BMP2: variants seen among roughly 807,000 people sequenced by gnomAD.
The protein encoded by BMP2 is bone morphogenetic protein 2.
BMP2 carries 2 observed loss-of-function variants against 28.8 expected under a neutral mutation model. The ratio of observed to expected loss-of-function variants is 0.07; its 90% CI spans 0.03 to 0.22. The LOEUF (loss-of-function observed/expected upper bound fraction) is 0.22. Among genes scored for constraint, BMP2 ranks in the 10% least tolerant of loss-of-function variants. The pLI, the probability that BMP2 is intolerant of heterozygous loss-of-function variation, is 1.00. For synonymous variants in BMP2, 218 were observed against 204.3 expected (o/e 1.07, Z -0.57); for missense variants, 437 against 517.7 (o/e 0.84, Z 1.51).
rs958541730 is a variant in BMP2, at chr20:6,779,236, A to C, written c.*147A>C. ...TTTATGGAATGGAATGGAAAAAAAA[A>C]CAGCTATTTTGAAAATATATTTATA... On this transcript the variant is annotated 3_prime_UTR_variant, in exon 3 of 3. Coordinates refer to ENST00000378827, the MANE Select transcript of BMP2 (RefSeq NM_001200.4). The C allele has an allele frequency of 2.9e-5, 8 of 280,218 alleles. No individual in the cohort carries two copies. Among genetic ancestry groups the C allele is most frequent in the South Asian group, 1.5e-4 (1 of 6,472 alleles). 17.4% of individuals were successfully genotyped at this position (280,218 alleles called of 1,614,324 possible).
Position 6,778,843 on chromosome 20 carries a change from G to A in BMP2, c.945G>A (p.Val315=). ...ACGTGGGGTGGAATGACTGGATTGT[G>A]GCTCCCCCGGGGTATCACGCCTTTT... ...FSDVGWNDWI[V]APPGYHAFYC... Residue 315 remains valine, a synonymous_variant, in exon 3 of 3, where the codon GTG becomes GTA. Transcript: ENST00000378827. The surrounding 1 kb of genome is among the most constrained non-coding windows in gnomAD (Gnocchi z 5.0). 6.2e-7 allele frequency: 1 copy of A among 1,614,144 alleles called. No homozygotes were observed. Among genetic ancestry groups the A allele is most frequent in the Non-Finnish European group, 8.5e-7 (1 of 1,180,028 alleles).
chr20:6,770,247 C>G lies in BMP2; in HGVS notation c.121C>G (p.Pro41Ala). 6.2e-7 allele frequency: 1 copy of G among 1,609,332 alleles called. No individual in the cohort carries two copies. Among genetic ancestry groups the G allele is most frequent in the Non-Finnish European group, 8.5e-7 (1 of 1,178,188 alleles). ...RKFAAASSGR[P>A]SSQPSDEVLS... The stretch of plus-strand genomic sequence containing the variant: ...GTTCGCGGCGGCGTCGTCGGGCCGC[C>G]CCTCATCCCAGCCCTCTGACGAGGT... The change falls in exon 2 of 3, where the codon CCC becomes GCC. Residue 41 changes from proline (P) to alanine (A), a missense_variant. By Grantham distance (27) the Pro-to-Ala change is conservative (BLOSUM62 -1). Around this residue, in one of 2 missense-constraint regions of BMP2, gnomAD observed 363 missense variants for 392.8 expected, o/e 0.92. Transcript: ENST00000378827.
rs939434590 is a variant in BMP2, at chr20:6,780,103, G to C, written c.*1014G>C. 2.0e-5 allele frequency: 3 copies of C among 152,400 alleles called. No individual in the cohort carries two copies. Among genetic ancestry groups the C allele is most frequent in the African/African-American group, 7.3e-5 (3 of 41,366 alleles). The allele number at this position is 152,400 out of a possible 1,614,324, so 9.4% of individuals were successfully genotyped here. ...AGTTTTCTAACTTTTTGCCCAACACGCAGCAAAATTATGCACATCGTGTTT... is the reference window on the plus strand; with the variant it reads ...AGTTTTCTAACTTTTTGCCCAACACCCAGCAAAATTATGCACATCGTGTTT... On this transcript the variant is annotated 3_prime_UTR_variant, in exon 3 of 3. Transcript: ENST00000378827.
At chr20:6,775,710 T>C (rs963471298) in intron 2 of BMP2, among the ~76,000 whole-genome samples, 5 of 152,000 alleles carry the variant, frequency 3.3e-5, no homozygotes, top group African/African-American at 1.2e-4. Flanking sequence ...ACCTTTTTTA[T>C]ACCCATCTTC....
In BMP2 at chr20:6,778,258, A is replaced by T. The variant is rs1462426583; in HGVS notation, c.360A>T (p.Glu120Asp). ...RSFHHEESLE[E>D]LPETSGKTTR... ...CTATCAAATTAGAATCTTTGGAAGAACTACCAGAAACGAGTGGGAAAACAA... is the reference window on the plus strand; with the variant it reads ...CTATCAAATTAGAATCTTTGGAAGATCTACCAGAAACGAGTGGGAAAACAA... Residue 120 changes from glutamate to aspartate, a missense_variant, in exon 3 of 3, where the codon GAA becomes GAT. Physicochemically the swap from Glu to Asp is conservative, Grantham distance 45. Coordinates refer to ENST00000378827, the MANE Select transcript of BMP2 (RefSeq NM_001200.4). This position sits in a 1 kb window ranked among gnomAD's most constrained non-coding sequence, Gnocchi z 5.0. The T allele has an allele frequency of 6.3e-7, 1 of 1,585,916 alleles. No homozygotes were observed. Among genetic ancestry groups the T allele is most frequent in the Non-Finnish European group, 8.6e-7 (1 of 1,169,242 alleles).
At position 6,770,298 on chromosome 20, in the gene BMP2, C is replaced by T. The variant is rs773801167; in HGVS notation, c.172C>T (p.Leu58Phe). The T allele has an allele frequency of 5.0e-6, 8 of 1,612,718 alleles. No individual in the cohort carries two copies. The Admixed American group carries it at 1.3e-4, about 27-fold the overall frequency. The change falls in exon 2 of 3, where the codon CTC becomes TTC. Residue 58 changes from leucine (L) to phenylalanine (F), a missense_variant. By Grantham distance (22) the Leu-to-Phe change is conservative (BLOSUM62 0). Transcript: ENST00000378827. ...EVLSEFELRL[L>F]SMFGLKQRPT... is the part of the protein sequence containing the mutation. ...CCTGAGCGAGTTCGAGTTGCGGCTGCTCAGCATGTTCGGCCTGAAACAGAG... is the reference window on the plus strand; with the variant it reads ...CCTGAGCGAGTTCGAGTTGCGGCTGTTCAGCATGTTCGGCCTGAAACAGAG...
rs544525819 is a variant in BMP2, at chr20:6,778,311, C to A, written c.413C>A (p.Ser138Tyr). The change falls in exon 3 of 3, where the codon TCT (serine) becomes TAT (tyrosine). Residue 138 changes from serine to tyrosine, a missense_variant. Ser to Tyr is a moderately radical substitution (Grantham distance 144, BLOSUM62 -2). This residue lies in a region of BMP2 where 363 missense variants were observed against 392.8 expected (regional missense o/e 0.92). Coordinates refer to ENST00000378827, the MANE Select transcript of BMP2 (RefSeq NM_001200.4). This position sits in a 1 kb window ranked among gnomAD's most constrained non-coding sequence, Gnocchi z 5.0. ...TTRRFFFNLSSIPTEEFITSA... is the reference protein window; with the variant it reads ...TTRRFFFNLSYIPTEEFITSA... The stretch of plus-strand genomic sequence containing the variant: ...CGGAGATTCTTCTTTAATTTAAGTT[C>A]TATCCCCACGGAGGAGTTTATCACC... 1.2e-6 allele frequency: 2 copies of A among 1,614,016 alleles called. No homozygotes were observed. Among genetic ancestry groups the A allele is most frequent in the South Asian group, 2.2e-5 (2 of 91,040 alleles).
At chr20:6,772,419 G>A (rs1986417940) in intron 2 of BMP2, among the ~76,000 whole-genome samples, 1 of 152,132 alleles carries the variant, frequency 6.6e-6, no homozygotes, top group South Asian at 2.1e-4. Context: ...TCCATTTCTT[G>A]TCTCATTATG....
chr20:6,771,876 T>A (rs1986407193), intron 2 of BMP2, among the ~76,000 whole-genome samples: 1 of 152,204 alleles, frequency 6.6e-6, no homozygotes, highest in Admixed American at 6.5e-5. Flanking sequence ...AAAATTTGTG[T>A]GTATGTGTAC....
Position 6,779,720 on chromosome 20 carries a change from C to A in BMP2, c.*631C>A, listed in dbSNP as rs184273995. ...TGATTGTCCAATCCATGAGAATTTA[C>A]ATCCTTATTAGGTGGAATATTTGGA... On this transcript the variant is annotated 3_prime_UTR_variant, in exon 3 of 3. Coordinates refer to ENST00000378827, the MANE Select transcript of BMP2 (RefSeq NM_001200.4). 1.3e-5 allele frequency: 2 copies of A among 152,728 alleles called. No homozygotes were observed. Among genetic ancestry groups the A allele is most frequent in the Non-Finnish European group, 2.9e-5 (2 of 68,034 alleles). 9.5% of individuals were successfully genotyped at this position (152,728 alleles called of 1,614,324 possible).
intron 2 of BMP2, among the ~76,000 whole-genome samples, chr20:6,773,023 T>C (rs1986430302): frequency 6.6e-6 from 1 of 152,214 alleles, no homozygotes; most frequent in African/African-American, 2.4e-5. Context: ...TTGACTTCAC[T>C]GGCCCTCCAA....
chr20:6,770,394 C>A lies in BMP2; in HGVS notation c.268C>A (p.Pro90Thr), dbSNP rs1372716317. 1.2e-6 allele frequency: 2 copies of A among 1,612,458 alleles called. No homozygotes were observed. The highest frequency in any genetic ancestry group is 1.7e-6 in the Non-Finnish European group (2 of 1,179,604). Reference protein sequence around the residue: ...LDLYRRHSGQPGSPAPDHRLE... With the variant: ...LDLYRRHSGQTGSPAPDHRLE... ...CCTGTATCGCAGGCACTCAGGTCAG[C>A]CGGGCTCACCCGCCCCAGACCACCG... Residue 90 changes from proline (P) to threonine (T), a missense_variant, in exon 2 of 3, where the codon CCG becomes ACG. Physicochemically the swap from Pro to Thr is conservative, Grantham distance 38. Transcript: ENST00000378827.
chr20:6,770,003 A>G, intron 1 of BMP2, 117 bp from the exon 2 acceptor site: 1 of 1,088,008 alleles, frequency 9.2e-7, no homozygotes, highest in East Asian at 2.6e-5. Flanking sequence ...GAGTGTGCCA[A>G]GCCAGGAGGG....
rs1986577732 is a variant in BMP2 at position 6,779,369 on chromosome 20, G to A, written c.*280G>A. 6.4e-6 allele frequency: 1 copy of A among 155,050 alleles called. No homozygotes were observed. Among genetic ancestry groups the A allele is most frequent in the South Asian group, 2.1e-4 (1 of 4,860 alleles). The allele number at this position is 155,050 out of a possible 1,614,324, so 9.6% of individuals were successfully genotyped here. A position where few individuals can be genotyped will look rare whatever the true frequency, so the allele number is the denominator to read the frequency against. ...TTATATGGGTTCAACCCCAGCACAT[G>A]AAGTATAATGGTCAGATTTATTTTG... On this transcript the variant is annotated 3_prime_UTR_variant, in exon 3 of 3. Transcript: ENST00000378827.
Position 6,779,716 on chromosome 20 carries a change from T to G in BMP2, c.*627T>G, listed in dbSNP as rs369318729. 1 of 152,634 alleles carries G rather than the reference T, an allele frequency of 6.6e-6. No individual in the cohort carries two copies. Among genetic ancestry groups the G allele is most frequent in the Non-Finnish European group, 1.5e-5 (1 of 68,036 alleles). The allele number at this position is 152,634 out of a possible 1,614,324, so 9.5% of individuals were successfully genotyped here. A position where few individuals can be genotyped will look rare whatever the true frequency, so the allele number is the denominator to read the frequency against. Reference sequence around the variant, plus strand: ...AGAGTGATTGTCCAATCCATGAGAATTTACATCCTTATTAGGTGGAATATT... The same window carrying G: ...AGAGTGATTGTCCAATCCATGAGAAGTTACATCCTTATTAGGTGGAATATT... On this transcript the variant is annotated 3_prime_UTR_variant, in exon 3 of 3. Transcript: ENST00000378827.
chr20:6,770,396 G>A lies in BMP2; in HGVS notation c.270G>A (p.Pro90=). The part of the protein sequence containing the change: ...LDLYRRHSGQ[P]GSPAPDHRLE... Reference sequence around the variant, plus strand: ...TGTATCGCAGGCACTCAGGTCAGCCGGGCTCACCCGCCCCAGACCACCGGT... The same window carrying A: ...TGTATCGCAGGCACTCAGGTCAGCCAGGCTCACCCGCCCCAGACCACCGGT... Residue 90 remains proline, a synonymous_variant, in exon 2 of 3, where the codon CCG becomes CCA. Coordinates refer to ENST00000378827, the MANE Select transcript of BMP2 (RefSeq NM_001200.4). The A allele has an allele frequency of 6.2e-7, 1 of 1,612,516 alleles. No individual in the cohort carries two copies. Among genetic ancestry groups the A allele is most frequent in the Non-Finnish European group, 8.5e-7 (1 of 1,179,598 alleles).
At chr20:6,776,335 C>T (rs1443107744) in intron 2 of BMP2, among the ~76,000 whole-genome samples, 2 of 152,158 alleles carry the variant, frequency 1.3e-5, no homozygotes, top group South Asian at 2.1e-4. Context: ...TGATACTCCC[C>T]ATATCCACGT....
intron 2 of BMP2, among the ~76,000 whole-genome samples, chr20:6,776,054 T>C (rs1209957457): frequency 6.6e-6 from 1 of 152,190 alleles, no homozygotes; most frequent in Non-Finnish European, 1.5e-5. Context: ...TGCTGACTTT[T>C]ACCTTCTCTG....
intron 2 of BMP2, among the ~76,000 whole-genome samples, chr20:6,776,842 T>C (rs937956036): frequency 1.3e-5 from 2 of 152,214 alleles, no homozygotes; most frequent in Non-Finnish European, 2.9e-5. Flanking sequence ...GATTCTCCTT[T>C]GCTAAGGCAT....
Sources: gnomAD v4.1 joint callset for allele counts (sites outside exome capture counted in the v4.1 genomes callset) on GRCh38, gnomAD v4.1.1 for gene constraint, gnomAD v4.1.1 regional missense constraint, Gnocchi (gnomAD v3.1) non-coding constraint, MANE v1.5 for transcripts, NCBI Gene and HGNC (gene_info 2026-07-23, HGNC 2026-07-21) for gene names.